Variants in EYS observed in about 807,000 individuals in gnomAD.
The protein encoded by EYS is protein eyes shut homolog.
In EYS, 250 loss-of-function variants were observed where a neutral mutation model predicts 282.1. The observed-to-expected ratio is 0.89, with a 90% CI of 0.80 to 0.98. EYS has a LOEUF of 0.98. Among genes scored for constraint, EYS ranks in the 50% least tolerant of loss-of-function variants. The pLI is 0.00. For missense variants in EYS, 4,016 were observed against 3,709.0 expected, an observed-to-expected ratio of 1.08 and a Z score of -2.15; for synonymous variants, 1,355 against 1,282.9, an observed-to-expected ratio of 1.06 and a Z score of -1.20.
At chr6:64,541,040 AT>A (rs962798220) in intron 26 of EYS, among the ~76,000 whole-genome samples, 2 of 152,174 alleles carry the variant, frequency 1.3e-5, no homozygotes, top group African/African-American at 4.8e-5. Context: ...TTCCCAATAT[AT>A]TTGCATTCAT....
chr6:64,390,299 G>A (rs1478448180), intron 28 of EYS, among the ~76,000 whole-genome samples: 2 of 152,318 alleles, frequency 1.3e-5, no homozygotes, highest in East Asian at 3.9e-4. Flanking sequence ...GTCTGCCTCT[G>A]TAGGCTCCAC....
chr6:65,520,944 T>C (rs192277851), intron 2 of EYS, among the ~76,000 whole-genome samples: 1 of 152,214 alleles, frequency 6.6e-6, no homozygotes, highest in Admixed American at 6.5e-5. Context: ...ACAAACATCT[T>C]CTCAAAATAG....
At chr6:65,127,793 G>T (rs1208103065) in intron 12 of EYS, among the ~76,000 whole-genome samples, 1 of 152,024 alleles carries the variant, frequency 6.6e-6, no homozygotes, top group South Asian at 2.1e-4. Context: ...TGAAGAGCCA[G>T]GGTGATGGGC....
chr6:64,974,333 T>A (rs184519401), intron 14 of EYS, among the ~76,000 whole-genome samples: 50 of 151,934 alleles, frequency 3.3e-4, no homozygotes, highest in Admixed American at 2.0e-3. Context: ...TCATGTAAAA[T>A]CCAAGGTACT....
intron 2 of EYS, among the ~76,000 whole-genome samples, chr6:65,615,122 C>T (rs1766138533): frequency 6.6e-6 from 1 of 152,136 alleles, no homozygotes; most frequent in Non-Finnish European, 1.5e-5. Context: ...AACTTGTCTG[C>T]AAGTAGGTTA....
chr6:65,081,108 T>C (rs1168908569), intron 12 of EYS, among the ~76,000 whole-genome samples: 1 of 152,160 alleles, frequency 6.6e-6, no homozygotes, highest in Non-Finnish European at 1.5e-5. Flanking sequence ...TCAAATTTGC[T>C]TTATCATGAC....
intron 2 of EYS, among the ~76,000 whole-genome samples, chr6:65,518,137 C>G (rs534036914): frequency 2.0e-5 from 3 of 152,142 alleles, no homozygotes; most frequent in Middle Eastern, 6.8e-3. Flanking sequence ...ATATTCCCAA[C>G]GTCTTACAGC....
At chr6:65,195,370 C>T (rs1765739409) in intron 12 of EYS, among the ~76,000 whole-genome samples, 1 of 151,970 alleles carries the variant, frequency 6.6e-6, no homozygotes, top group Admixed American at 6.6e-5. Flanking sequence ...CTGGATTTTT[C>T]ATTCTTAATG....
chr6:64,936,213 A>G (rs1768900482), intron 15 of EYS, among the ~76,000 whole-genome samples: 1 of 151,598 alleles, frequency 6.6e-6, no homozygotes, highest in Non-Finnish European at 1.5e-5. Context: ...AGCTTCATTG[A>G]CAGCATTTGA....
At chr6:65,544,181 T>C (rs865997069) in intron 2 of EYS, among the ~76,000 whole-genome samples, 42 of 152,306 alleles carry the variant, frequency 2.8e-4, no homozygotes, top group Middle Eastern at 3.4e-3. Flanking sequence ...GATATGGATG[T>C]TGTTTGTCAT....
At chr6:65,001,349 T>TC (rs767863926) in intron 13 of EYS, among the ~76,000 whole-genome samples, 4 of 146,878 alleles carry the variant, frequency 2.7e-5, no homozygotes, top group Non-Finnish European at 6.1e-5. Context: ...GGGAAGATAA[T>TC]CTTCCCCTGG....
intron 26 of EYS, among the ~76,000 whole-genome samples, chr6:64,455,109 G>T (rs531875038): frequency 1.3e-5 from 2 of 151,910 alleles, no homozygotes; most frequent in African/African-American, 4.8e-5. Flanking sequence ...ACAGGATCTC[G>T]CTATGTTACC....
chr6:65,356,130 A>G (rs988236), intron 8 of EYS, among the ~76,000 whole-genome samples: 102,353 of 151,848 alleles, frequency 0.67, 34,598 homozygotes, highest in South Asian at 0.71. Context: ...ACACATACAC[A>G]TACATATACA....
intron 22 of EYS, among the ~76,000 whole-genome samples, chr6:64,627,250 G>A (rs1037751160): frequency 2.6e-5 from 4 of 152,206 alleles, no homozygotes; most frequent in East Asian, 3.9e-4. Context: ...ACAAGTAGCC[G>A]ACACAATTAT....
intron 33 of EYS, among the ~76,000 whole-genome samples, chr6:64,061,679 A>G (rs1368100237): frequency 1.3e-5 from 2 of 152,214 alleles, no homozygotes; most frequent in African/African-American, 4.8e-5. Context: ...CTTATGGTTT[A>G]TTAATTTTTG....
intron 12 of EYS, among the ~76,000 whole-genome samples, chr6:65,122,739 T>G (rs1775597798): frequency 6.6e-6 from 1 of 152,076 alleles, no homozygotes; most frequent in East Asian, 1.9e-4. Flanking sequence ...TTTCACAAAC[T>G]AAAACTATTT....
At chr6:65,010,577 G>C (rs1156535317) in intron 13 of EYS, among the ~76,000 whole-genome samples, 1 of 152,218 alleles carries the variant, frequency 6.6e-6, no homozygotes, top group Non-Finnish European at 1.5e-5. Flanking sequence ...CTTGTGTACT[G>C]ATGGAAGTTC....
chr6:64,177,523 G>C (rs188604349), intron 31 of EYS, among the ~76,000 whole-genome samples: 39 of 152,020 alleles, frequency 2.6e-4, no homozygotes, highest in Non-Finnish European at 5.0e-4. Flanking sequence ...AATTTCATAT[G>C]AATATGCATG....
chr6:64,642,165 A>T (rs1202772239), intron 22 of EYS, among the ~76,000 whole-genome samples: 1 of 152,184 alleles, frequency 6.6e-6, no homozygotes, highest in African/African-American at 2.4e-5. Context: ...TGGGGAAAAA[A>T]ATTAATCTGT....
Sources: gnomAD v4.1 joint callset for allele counts (sites outside exome capture counted in the v4.1 genomes callset) on GRCh38, gnomAD v4.1.1 for gene constraint, MANE v1.5 for transcripts, NCBI Gene and HGNC (gene_info 2026-07-23, HGNC 2026-07-21) for gene names.